PELI2: variants seen among roughly 807,000 people sequenced by gnomAD.
PELI2 encodes pellino E3 ubiquitin protein ligase family member 2.
A neutral mutation model predicts 42.3 loss-of-function variants in PELI2; 23 were observed. The observed-to-expected ratio is 0.54, with a 90% CI of 0.39 to 0.77. The LOEUF is 0.77. Ranked by LOEUF, PELI2 falls within the 30% of genes least tolerant of loss-of-function variation. The probability of loss-of-function intolerance (pLI) is 0.00; values close to 1 mark genes in which losing one functional copy is unlikely to be tolerated. For synonymous variants in PELI2, 245 were observed against 212.2 expected, an observed-to-expected ratio of 1.15 and a Z score of -1.34; for missense variants, 463 against 553.2, an observed-to-expected ratio of 0.84 and a Z score of 1.64.
chr14:56,119,243 C>G (rs540358460), intron 1 of PELI2: 1 of 152,062 alleles, frequency 6.6e-6, no homozygotes, highest in East Asian at 1.9e-4. Flanking sequence ...AGCGCGGCGC[C>G]GTGAGCTTGG....
At chr14:56,250,956 A>C (rs1284498254) in intron 2 of PELI2, among the ~76,000 whole-genome samples, 1 of 152,234 alleles carries the variant, frequency 6.6e-6, no homozygotes, top group East Asian at 1.9e-4. Context: ...AGAAGCTGGG[A>C]AAGAGTGCTC....
At chr14:56,285,845 G>C (rs1889627499) in intron 3 of PELI2, among the ~76,000 whole-genome samples, 1 of 152,258 alleles carries the variant, frequency 6.6e-6, no homozygotes, top group South Asian at 2.1e-4. Flanking sequence ...TTGCTTGCAG[G>C]TGAAGGAAAG....
In PELI2 at chr14:56,276,330, C is replaced by T. The variant is rs146854314; in HGVS notation, c.208-3346C>T. ...AAGTCTACACTTCCCCATTTATTGA[C>T]GATGATCCTGCTGGTGGCCTTAGGC... On this transcript the variant is annotated intron_variant, in intron 2 of 5. Coordinates refer to ENST00000267460, the MANE Select transcript of PELI2 (RefSeq NM_021255.3). Among the ~76,000 whole-genome samples, 216 of 152,256 alleles carry T rather than the reference C, an allele frequency of 1.4e-3. 1 individual carries two copies. Among genetic ancestry groups the T allele is most frequent in the African/African-American group, 4.9e-3 (205 of 41,560 alleles).
intron 2 of PELI2, among the ~76,000 whole-genome samples, chr14:56,195,362 C>A (rs1263114118): frequency 6.6e-6 from 1 of 152,138 alleles, no homozygotes; most frequent in Non-Finnish European, 1.5e-5. Flanking sequence ...CATGGAGAGA[C>A]AAAACACCGG....
intron 1 of PELI2, among the ~76,000 whole-genome samples, chr14:56,142,718 T>A (rs971926004): frequency 2.0e-5 from 3 of 152,076 alleles, no homozygotes; most frequent in Non-Finnish European, 4.4e-5. Context: ...CTATTTATAA[T>A]ACTTATTTTT....
chr14:56,218,830 G>A (rs1887011885), intron 2 of PELI2, among the ~76,000 whole-genome samples: 1 of 152,206 alleles, frequency 6.6e-6, no homozygotes, highest in Admixed American at 6.5e-5. Context: ...GTCTGAAACT[G>A]TGTTGTGTCT....
At chr14:56,154,186 G>T (rs1009910630) in intron 1 of PELI2, among the ~76,000 whole-genome samples, 1 of 152,126 alleles carries the variant, frequency 6.6e-6, no homozygotes, top group Admixed American at 6.5e-5. Context: ...AAGAGATGAT[G>T]CTATATGTAC....
chr14:56,182,632 T>C (rs1353967131), intron 2 of PELI2, among the ~76,000 whole-genome samples: 1 of 152,122 alleles, frequency 6.6e-6, no homozygotes, highest in Non-Finnish European at 1.5e-5. Flanking sequence ...TGGAAAATAT[T>C]AGTGGTCTTT....
chr14:56,211,374 C>A (rs1453958673), intron 2 of PELI2, among the ~76,000 whole-genome samples: 1 of 152,234 alleles, frequency 6.6e-6, no homozygotes, highest in African/African-American at 2.4e-5. Flanking sequence ...GGCCTGTCAC[C>A]TTCTGTGAAG....
At chr14:56,242,980 T>C (rs1293504434) in intron 2 of PELI2, among the ~76,000 whole-genome samples, 1 of 152,222 alleles carries the variant, frequency 6.6e-6, no homozygotes, top group Admixed American at 6.5e-5. Context: ...AAACACCACC[T>C]GTTCCCCAAA....
In PELI2 at chr14:56,288,856, A is replaced by C. The variant is rs1889729811; in HGVS notation, c.507+222A>C. On this transcript the variant is annotated intron_variant, in intron 4 of 5. Transcript: ENST00000267460. The surrounding 1 kb of genome is among the most constrained non-coding windows in gnomAD (Gnocchi z 4.6). ...ATATTTTTTATATTGTAATATTTAC[A>C]GTAAGTACTTTTTTTAAAGTATGCC... 6.6e-6 allele frequency among the ~76,000 whole-genome samples: 1 copy of C among 152,354 alleles called. No individual in the cohort carries two copies. The highest frequency in any genetic ancestry group is 2.4e-5 in the African/African-American group (1 of 41,588).
intron 2 of PELI2, among the ~76,000 whole-genome samples, chr14:56,272,777 A>G (rs1889149203): frequency 6.6e-6 from 1 of 152,214 alleles, no homozygotes; most frequent in South Asian, 2.1e-4. Flanking sequence ...CTTAACATAC[A>G]TTCAGGAGCA....
chr14:56,201,235 C>T (rs1244448186), intron 2 of PELI2, among the ~76,000 whole-genome samples: 1 of 152,150 alleles, frequency 6.6e-6, no homozygotes, highest in Non-Finnish European at 1.5e-5. Flanking sequence ...AAAGGATGAT[C>T]CTGGATTTGC....
At chr14:56,214,436 A>G (rs763319319) in intron 2 of PELI2, among the ~76,000 whole-genome samples, 13 of 152,204 alleles carry the variant, frequency 8.5e-5, no homozygotes, top group Non-Finnish European at 5.9e-5. Context: ...AATATCTACA[A>G]ATGATAATGT....
At chr14:56,286,682 A>G (rs1027212080) in intron 3 of PELI2, among the ~76,000 whole-genome samples, 2 of 152,192 alleles carry the variant, frequency 1.3e-5, no homozygotes, top group Admixed American at 1.3e-4. Flanking sequence ...GCAGGCTGCA[A>G]GTTTTCCACA....
chr14:56,292,336 G>C (rs1555354349), intron 5 of PELI2, among the ~76,000 whole-genome samples: 1 of 152,168 alleles, frequency 6.6e-6, no homozygotes, highest in Non-Finnish European at 1.5e-5. Context: ...CATTCTTCCT[G>C]CAATCTCCTC....
chr14:56,241,885 AAAAT>A (rs1887989201), intron 2 of PELI2, among the ~76,000 whole-genome samples: 1 of 152,236 alleles, frequency 6.6e-6, no homozygotes, highest in Non-Finnish European at 1.5e-5. Flanking sequence ...CATAAGGACT[AAAAT>A]AAACTATTTA....
At chr14:56,276,701 A>C (rs1374831295) in intron 2 of PELI2, among the ~76,000 whole-genome samples, 1 of 152,066 alleles carries the variant, frequency 6.6e-6, no homozygotes, top group Non-Finnish European at 1.5e-5. Context: ...ACCTTCCCCA[A>C]ATTCCAAGGC....
intron 1 of PELI2, among the ~76,000 whole-genome samples, chr14:56,124,311 ATG>A (rs1883169180): frequency 6.6e-6 from 1 of 152,064 alleles, no homozygotes; most frequent in African/African-American, 2.4e-5. Flanking sequence ...TGATTCAGAT[ATG>A]TCATGTTAAT....
Sources: gnomAD v4.1 joint callset for allele counts (sites outside exome capture counted in the v4.1 genomes callset) on GRCh38, gnomAD v4.1.1 for gene constraint, Gnocchi (gnomAD v3.1) non-coding constraint, MANE v1.5 for transcripts, NCBI Gene and HGNC (gene_info 2026-07-23, HGNC 2026-07-21) for gene names.